Variants in TANGO2 observed in about 807,000 individuals in gnomAD.
The protein encoded by TANGO2 is transport and Golgi organization protein 2 homolog.
TANGO2 carries 26 observed loss-of-function variants against 39.1 expected under a neutral mutation model. That is an observed-to-expected ratio of 0.67 (90% CI 0.49 to 0.92). The LOEUF is 0.92. TANGO2 is among the 40% of genes least tolerant of loss of function. The pLI is 0.00. For synonymous variants in TANGO2, 131 were observed against 144.5 expected (o/e 0.91, Z 0.67); for missense variants, 326 against 360.1 (o/e 0.91, Z 0.77).
In TANGO2 at chr22:20,031,816, A is replaced by T. The variant is rs113031995; in HGVS notation, c.-39-4944A>T. ...GAGTGTCCACAGCGTGGCTGGGCAG[A>T]GCAGAGCTACAAATGAACAGATCCA... On this transcript the variant is annotated intron_variant, in intron 1 of 8. Coordinates refer to ENST00000327374, the MANE Select transcript of TANGO2 (RefSeq NM_152906.7). Among the ~76,000 whole-genome samples the T allele has an allele frequency of 4.3e-3, 654 of 152,314 alleles. 5 individuals carry two copies. The highest frequency in any genetic ancestry group is 0.015 in the African/African-American group (619 of 41,566).
At chr22:20,055,568 G>A (rs2047177405) in intron 5 of TANGO2, 1 of 338,650 alleles carries the variant, frequency 3.0e-6, no homozygotes, top group Non-Finnish European at 5.6e-6. Flanking sequence ...ATGAGCTGTG[G>A]TAAGGGGCCT....
intron 6 of TANGO2, among the ~76,000 whole-genome samples, chr22:20,058,651 A>T (rs1260286858): frequency 6.6e-6 from 1 of 151,920 alleles, no homozygotes; most frequent in Admixed American, 6.6e-5. Flanking sequence ...CAAAAAAAAA[A>T]AAAACAAAGA....
intron 1 of TANGO2, among the ~76,000 whole-genome samples, chr22:20,032,286 G>A (rs1052377936): frequency 5.9e-5 from 9 of 152,300 alleles, no homozygotes; most frequent in Admixed American, 2.0e-4. Flanking sequence ...GAGGATGGGC[G>A]TGTGGCCATC....
intron 1 of TANGO2, among the ~76,000 whole-genome samples, chr22:20,029,306 G>A (rs554522022): frequency 2.6e-5 from 4 of 152,272 alleles, no homozygotes; most frequent in East Asian, 1.9e-4. Context: ...CAGAGAGGAC[G>A]GTGCACGCTG....
intron 6 of TANGO2, 97 bp from the exon 7 acceptor site, chr22:20,061,433 C>T: frequency 2.1e-6 from 3 of 1,402,828 alleles, no homozygotes; most frequent in Non-Finnish European, 2.9e-6. Flanking sequence ...ATTTCATGGT[C>T]CCCAGCTGTA....
At chr22:20,036,920 C>T in intron 2 of TANGO2, 66 bp downstream of exon 2, 1 of 1,614,126 alleles carries the variant, frequency 6.2e-7, no homozygotes, top group Non-Finnish European at 8.5e-7. Context: ...GTTCTCATGC[C>T]ACCCAAGCTG....
At chr22:20,025,160 C>T (rs545840871) in intron 1 of TANGO2, among the ~76,000 whole-genome samples, 175 of 148,902 alleles carry the variant, frequency 1.2e-3, no homozygotes, top group African/African-American at 4.2e-3. Context: ...GACCTGAGAT[C>T]GTGCCACTGC....
chr22:20,041,312 ATTT>A (rs695364), intron 2 of TANGO2, among the ~76,000 whole-genome samples: 6 of 134,536 alleles, frequency 4.5e-5, no homozygotes, highest in Non-Finnish European at 7.9e-5. Context: ...CACCCGGCTA[ATTT>A]TTTTTTTTTT....
In TANGO2 at chr22:20,036,635, C is replaced by G. The variant is rs576140774; in HGVS notation, c.-39-125C>G. Reference sequence around the variant, plus strand: ...GGCCAAGAGTGTGGTGTCCAGTTCCCCCACACCCAGCAAGTAGTACAGACA... The same window carrying G: ...GGCCAAGAGTGTGGTGTCCAGTTCCGCCACACCCAGCAAGTAGTACAGACA... On this transcript the variant is annotated intron_variant, in intron 1 of 8. Transcript: ENST00000327374. 253 of 805,808 alleles carry G rather than the reference C, an allele frequency of 3.1e-4. No homozygotes were observed. The African/African-American group carries it at 3.7e-3, about 12-fold the overall frequency. The allele number at this position is 805,808 out of a possible 1,614,324, so 49.9% of individuals were successfully genotyped here.
chr22:20,036,346 A>G (rs146473899), intron 1 of TANGO2, among the ~76,000 whole-genome samples: 117 of 152,294 alleles, frequency 7.7e-4, no homozygotes, highest in African/African-American at 2.7e-3. Flanking sequence ...ACTGTCATTA[A>G]AAGTCTCACT....
chr22:20,026,292 G>T (rs1487757923), intron 1 of TANGO2, among the ~76,000 whole-genome samples: 6 of 152,212 alleles, frequency 3.9e-5, no homozygotes, highest in Admixed American at 1.3e-4. Flanking sequence ...CAGTTACTTG[G>T]GAGGCTGAGG....
At chr22:20,025,189 T>C (rs1386632812) in intron 1 of TANGO2, among the ~76,000 whole-genome samples, 1 of 149,844 alleles carries the variant, frequency 6.7e-6, no homozygotes, top group African/African-American at 2.5e-5. Context: ...CCTCTCAGGT[T>C]CAATGCGATT....
At chr22:20,049,343 A>T (rs1056170711) in intron 3 of TANGO2, among the ~76,000 whole-genome samples, 3 of 152,186 alleles carry the variant, frequency 2.0e-5, no homozygotes, top group Admixed American at 1.3e-4. Context: ...CATGCAGTCT[A>T]TGAGTGCTGC....
intron 6 of TANGO2, among the ~76,000 whole-genome samples, chr22:20,058,757 G>A (rs927105095): frequency 1.6e-4 from 25 of 152,154 alleles, no homozygotes; most frequent in African/African-American, 6.0e-4. Flanking sequence ...ATGGACTGAG[G>A]TGCTCTCTTT....
At chr22:20,020,006 G>A (rs781335120), upstream of TANGO2, among the ~76,000 whole-genome samples, 8 of 152,228 alleles carry the variant, frequency 5.3e-5, no homozygotes, top group Non-Finnish European at 7.3e-5. Context: ...GACTCTTGCC[G>A]TTGCTGATTA....
rs2044588285 is a variant in TANGO2 at position 20,044,120 on chromosome 22, T to A, written c.145+677T>A. Among the ~76,000 whole-genome samples, 5 of 152,278 alleles carry A rather than the reference T, an allele frequency of 3.3e-5. No homozygotes were observed. The South Asian group carries it at 1.0e-3, about 32-fold the overall frequency. On this transcript the variant is annotated intron_variant, in intron 3 of 8. Transcript: ENST00000327374. Reference sequence around the variant, plus strand: ...GAGGCCACGGGTTACTCTGCCTGCGTACCAGGCGCCAAGTGGGCCCGAGGC... The same window carrying A: ...GAGGCCACGGGTTACTCTGCCTGCGAACCAGGCGCCAAGTGGGCCCGAGGC...
At chr22:20,027,194 A>G (rs950787455) in intron 1 of TANGO2, among the ~76,000 whole-genome samples, 12 of 152,268 alleles carry the variant, frequency 7.9e-5, no homozygotes, top group Admixed American at 4.6e-4. Context: ...GAACTCTATC[A>G]CTGTACAGCA....
At chr22:20,032,425 G>A (rs1267270595) in intron 1 of TANGO2, among the ~76,000 whole-genome samples, 1 of 152,252 alleles carries the variant, frequency 6.6e-6, no homozygotes, top group South Asian at 2.1e-4. Context: ...AGATGCTTCT[G>A]GGCTGTGGCC....
intron 3 of TANGO2, among the ~76,000 whole-genome samples, chr22:20,043,667 G>T (rs1221619679): frequency 6.6e-6 from 1 of 152,224 alleles, no homozygotes; most frequent in East Asian, 1.9e-4. Flanking sequence ...CGTCTGCATG[G>T]GGGCCCCATC....
Sources: gnomAD v4.1 joint callset for allele counts (sites outside exome capture counted in the v4.1 genomes callset) on GRCh38, gnomAD v4.1.1 for gene constraint, MANE v1.5 for transcripts, NCBI Gene and HGNC (gene_info 2026-07-23, HGNC 2026-07-21) for gene names.